The following DOCK10 variants were observed in gnomAD, a reference collection of about 807,000 sequenced individuals.
The protein encoded by DOCK10 is dedicator of cytokinesis protein 10.
A neutral mutation model predicts 280.1 loss-of-function variants in DOCK10; 145 were observed. The ratio of observed to expected loss-of-function variants is 0.52; its 90% confidence interval spans 0.45 to 0.59. The LOEUF (loss-of-function observed/expected upper bound fraction) is 0.59. Among genes scored for constraint, DOCK10 ranks in the 20% least tolerant of loss-of-function variants. The pLI, the probability that DOCK10 is intolerant of heterozygous loss-of-function variation, is 0.00. For missense variants in DOCK10, 2,368 were observed against 2,651.7 expected, an observed-to-expected ratio of 0.89 and a Z score of 2.35; for synonymous variants, 915 against 942.2, an observed-to-expected ratio of 0.97 and a Z score of 0.53.
intron 27 of DOCK10, among the ~76,000 whole-genome samples, chr2:224,826,284 G>C (rs1694844687): frequency 6.6e-6 from 1 of 152,008 alleles, no homozygotes; most frequent in African/African-American, 2.4e-5. Flanking sequence ...GGCTAGTCTT[G>C]AACTCCTGAC....
rs769699292 is a variant in DOCK10 at position 224,886,496 on chromosome 2, G to T, written c.452C>A (p.Ser151Tyr). ...EYKPEKLPSH[S>Y]FEIDHEDADK... ...AGCATCTTCATGGTCAATCTCAAAG[G>T]AATGTGAAGGAAGCTTCTCTGGTTT... The change falls in exon 5 of 56, where the codon TCC becomes TAC. Residue 151 changes from serine to tyrosine, a missense_variant. This residue lies in a region of DOCK10 where 1,209 missense variants were observed against 1,250.9 expected (regional missense o/e 0.97). Coordinates refer to ENST00000258390, the MANE Select transcript of DOCK10 (RefSeq NM_014689.3). The T allele has an allele frequency of 6.2e-7, 1 of 1,609,838 alleles. No homozygotes were observed. The highest frequency in any genetic ancestry group is 8.5e-7 in the Non-Finnish European group (1 of 1,179,160).
At position 224,862,686 on chromosome 2, in the gene DOCK10, T is replaced by A; in HGVS notation, c.1663A>T (p.Met555Leu). The A allele has an allele frequency of 1.2e-6, 2 of 1,613,274 alleles. No individual in the cohort carries two copies. Among genetic ancestry groups the A allele is most frequent in the Non-Finnish European group, 8.5e-7 (1 of 1,179,470 alleles). The stretch of plus-strand genomic sequence containing the variant: ...TACCTTACTGCCCAAGCAAAAGGCA[T>A]ACGGTATTTTCCCAATTTGCTGCAG... ...QFCSKLGKYRMPFAWAVRSVF... is the reference protein window; with the variant it reads ...QFCSKLGKYRLPFAWAVRSVF... Residue 555 changes from methionine to leucine, a missense_variant, in exon 14 of 56, where the codon ATG becomes TTG. Transcript: ENST00000258390.
At chr2:224,922,566 T>C (rs1701822077) in intron 2 of DOCK10, among the ~76,000 whole-genome samples, 1 of 152,150 alleles carries the variant, frequency 6.6e-6, no homozygotes, top group South Asian at 2.1e-4. Context: ...GTGTTTATAG[T>C]TTCAGGTCCA....
intron 1 of DOCK10, among the ~76,000 whole-genome samples, chr2:224,942,160 G>A (rs1054183589): frequency 1.3e-5 from 2 of 152,166 alleles, no homozygotes; most frequent in African/African-American, 4.8e-5. Context: ...CTAGGGAAAG[G>A]AAGACCATTC....
At chr2:224,870,140 T>C (rs140149383) in intron 11 of DOCK10, among the ~76,000 whole-genome samples, 1,880 of 152,274 alleles carry the variant, frequency 0.012, 19 homozygotes, top group Non-Finnish European at 0.02. Flanking sequence ...TGAGTTCTCA[T>C]AATATCTGAT....
In DOCK10 at chr2:224,796,530, T is replaced by G. The variant is rs181560619; in HGVS notation, c.4828-104A>C. ...TGTATTATTAGTTTCTCCCTGTAGG[T>G]CCAATAAAAGAAGTGTTTATGTATT... On this transcript the variant is annotated intron_variant, in intron 43 of 55. Coordinates refer to ENST00000258390, the MANE Select transcript of DOCK10 (RefSeq NM_014689.3). 7.2e-6 allele frequency: 5 copies of G among 690,802 alleles called. No individual in the cohort carries two copies. In the Admixed American group the frequency reaches 1.4e-4, roughly 19 times the overall value. 42.8% of individuals were successfully genotyped at this position (690,802 alleles called of 1,614,324 possible).
intron 1 of DOCK10, among the ~76,000 whole-genome samples, chr2:224,942,134 C>T (rs965161560): frequency 5.3e-5 from 8 of 152,212 alleles, no homozygotes; most frequent in African/African-American, 1.9e-4. Flanking sequence ...CTTCTCCCTC[C>T]CTTCGCAGTC....
chr2:224,870,221 G>A (rs1001793840), intron 11 of DOCK10, among the ~76,000 whole-genome samples: 1 of 152,138 alleles, frequency 6.6e-6, no homozygotes, highest in African/African-American at 2.4e-5. Flanking sequence ...AGAAGGACAT[G>A]TTTGATTCCC....
chr2:225,026,183 G>T (rs1323995072), intron 1 of DOCK10, among the ~76,000 whole-genome samples: 1 of 152,166 alleles, frequency 6.6e-6, no homozygotes. Context: ...TGTGGCAAAG[G>T]TTGGAGGAAA....
intron 1 of DOCK10, 110 bp from the exon 2 acceptor site, chr2:224,931,778 T>A: frequency 8.3e-7 from 1 of 1,202,180 alleles, no homozygotes; most frequent in Non-Finnish European, 1.1e-6. Flanking sequence ...CACTGCACAA[T>A]CCTTCCAATG....
chr2:224,835,745 C>A (rs11675790), intron 25 of DOCK10, among the ~76,000 whole-genome samples: 2 of 151,932 alleles, frequency 1.3e-5, no homozygotes, highest in Admixed American at 1.3e-4. Flanking sequence ...GAGTAAAATG[C>A]GAGTTGATTA....
chr2:225,042,245 C>CTT lies in DOCK10; in HGVS notation c.123+6_123+7insAA. ...GCGGGAAGGCGCGGAGGACGCGCCG[C>CTT]ACTCACCCGCTGCTGCTGCCGGCTG... On this transcript the variant is annotated splice_region_variant and intron_variant, in intron 1 of 55. Coordinates refer to ENST00000258390, the MANE Select transcript of DOCK10 (RefSeq NM_014689.3). This position sits in a 1 kb window ranked among gnomAD's most constrained non-coding sequence, Gnocchi z 5.1. The CTT allele has an allele frequency of 7.8e-7, 1 of 1,282,888 alleles. No homozygotes were observed. The highest frequency in any genetic ancestry group is 9.8e-7 in the Non-Finnish European group (1 of 1,017,640). 79.5% of individuals were successfully genotyped at this position (1,282,888 alleles called of 1,614,324 possible). A position where few individuals can be genotyped will look rare whatever the true frequency, so the allele number is the denominator to read the frequency against.
At chr2:224,978,976 T>C (rs1382405148) in intron 1 of DOCK10, among the ~76,000 whole-genome samples, 2 of 152,178 alleles carry the variant, frequency 1.3e-5, no homozygotes, top group African/African-American at 2.4e-5. Context: ...TTATATTCAA[T>C]CCATAGGCAA....
At chr2:225,034,005 C>T (rs957823002) in intron 1 of DOCK10, among the ~76,000 whole-genome samples, 1 of 152,252 alleles carries the variant, frequency 6.6e-6, no homozygotes, top group African/African-American at 2.4e-5. Context: ...GTTGGTGTCA[C>T]TCCCAATATC....
intron 3 of DOCK10, among the ~76,000 whole-genome samples, chr2:224,902,308 G>A (rs1043336745): frequency 6.6e-6 from 1 of 151,998 alleles, no homozygotes; most frequent in Non-Finnish European, 1.5e-5. Flanking sequence ...TGGCTATAGA[G>A]GTTTATTTAA....
At chr2:224,880,955 T>G (rs181373463) in intron 7 of DOCK10, among the ~76,000 whole-genome samples, 177 of 152,318 alleles carry the variant, frequency 1.2e-3, no homozygotes, top group Non-Finnish European at 1.6e-3. Context: ...TAGGTTTATT[T>G]GTTCATTCAT....
At chr2:224,972,515 A>G (rs1349413125) in intron 1 of DOCK10, among the ~76,000 whole-genome samples, 2 of 152,204 alleles carry the variant, frequency 1.3e-5, no homozygotes, top group Non-Finnish European at 2.9e-5. Flanking sequence ...TAAGTTTCTT[A>G]ATGATTACAA....
intron 1 of DOCK10, among the ~76,000 whole-genome samples, chr2:224,975,237 C>A (rs1189534270): frequency 6.6e-6 from 1 of 152,046 alleles, no homozygotes; most frequent in African/African-American, 2.4e-5. Flanking sequence ...ATTCTCATAC[C>A]CAGAGAGAAG....
intron 1 of DOCK10, among the ~76,000 whole-genome samples, chr2:224,997,510 G>C (rs1415591779): frequency 6.6e-6 from 1 of 152,090 alleles, no homozygotes; most frequent in African/African-American, 2.4e-5. Context: ...GGGATTACAG[G>C]CGAGAGCCAC....
Sources: gnomAD v4.1 joint callset for allele counts (sites outside exome capture counted in the v4.1 genomes callset) on GRCh38, gnomAD v4.1.1 for gene constraint, gnomAD v4.1.1 regional missense constraint, Gnocchi (gnomAD v3.1) non-coding constraint, MANE v1.5 for transcripts, NCBI Gene and HGNC (gene_info 2026-07-23, HGNC 2026-07-21) for gene names.